Variants in CDH17 observed in about 807,000 individuals in gnomAD.
The protein encoded by CDH17 is cadherin 17.
In CDH17, 67 loss-of-function variants were observed where a neutral mutation model predicts 86.3. The observed-to-expected ratio is 0.78, with a 90% CI of 0.64 to 0.95. The LOEUF is 0.95. CDH17 is among the 40% of genes least tolerant of loss of function. The probability of loss-of-function intolerance (pLI) is 0.00; values close to 1 mark genes in which losing one functional copy is unlikely to be tolerated. For missense variants in CDH17, 993 were observed against 1,017.6 expected, an observed-to-expected ratio of 0.98 and a Z score of 0.33; for synonymous variants, 367 against 366.4, an observed-to-expected ratio of 1.00 and a Z score of -0.02.
intron 15 of CDH17, among the ~76,000 whole-genome samples, chr8:94,138,233 T>G (rs1407648581): frequency 6.6e-6 from 1 of 152,158 alleles, no homozygotes; most frequent in Non-Finnish European, 1.5e-5. Context: ...TTAAAAATTA[T>G]TATGGCCCAC....
intron 12 of CDH17, among the ~76,000 whole-genome samples, chr8:94,155,204 G>A (rs1051376723): frequency 1.3e-5 from 2 of 152,024 alleles, no homozygotes; most frequent in African/African-American, 2.4e-5. Flanking sequence ...ACCTCGTGAC[G>A]TGGTCCAATA....
chr8:94,149,570 A>G (rs746501427), intron 13 of CDH17, among the ~76,000 whole-genome samples: 48 of 152,072 alleles, frequency 3.2e-4, no homozygotes, highest in Non-Finnish European at 5.3e-4. Context: ...CAAGAAGAAG[A>G]CGCTTCAAGT....
At chr8:94,175,071 G>A (rs76610295) in intron 5 of CDH17, among the ~76,000 whole-genome samples, 190 of 152,260 alleles carry the variant, frequency 1.2e-3, no homozygotes, top group Non-Finnish European at 2.5e-3. Flanking sequence ...CTTGAAATAG[G>A]CCATGGTAGG....
At chr8:94,155,264 G>A (rs1563572237) in intron 12 of CDH17, among the ~76,000 whole-genome samples, 1 of 151,946 alleles carries the variant, frequency 6.6e-6, no homozygotes, top group African/African-American at 2.4e-5. Context: ...CTGAAGTAGA[G>A]GTGGGGAGAA....
At chr8:94,167,999 G>A (rs1813188556) in intron 9 of CDH17, among the ~76,000 whole-genome samples, 1 of 149,536 alleles carries the variant, frequency 6.7e-6, no homozygotes, top group South Asian at 2.1e-4. Context: ...CATAAGACTT[G>A]GTGGCAAGTG....
upstream of CDH17, among the ~76,000 whole-genome samples, chr8:94,209,629 T>C (rs1193175922): frequency 1.3e-5 from 2 of 152,188 alleles, no homozygotes; most frequent in Non-Finnish European, 2.9e-5. Flanking sequence ...GTTAACATCC[T>C]TGGTGGACTG....
At chr8:94,211,224 A>G (rs1814117300), upstream of CDH17, among the ~76,000 whole-genome samples, 1 of 152,138 alleles carries the variant, frequency 6.6e-6, no homozygotes, top group Non-Finnish European at 1.5e-5. Flanking sequence ...AAGTCTAGAT[A>G]GCCTCCCAGA....
At chr8:94,170,830 G>A (rs183751559) in intron 8 of CDH17, 24 bp downstream of exon 8, 2 of 1,609,734 alleles carry the variant, frequency 1.2e-6, no homozygotes, top group African/African-American at 1.3e-5. Flanking sequence ...CTTGTCGCCT[G>A]TGAAACTCTT....
intron 12 of CDH17, among the ~76,000 whole-genome samples, chr8:94,153,038 A>G (rs1334165731): frequency 6.6e-6 from 1 of 152,226 alleles, no homozygotes; most frequent in Non-Finnish European, 1.5e-5. Context: ...ATGGGATTGC[A>G]TCAAACTAAG....
At chr8:94,166,519 C>A (rs946764681) in intron 9 of CDH17, among the ~76,000 whole-genome samples, 5 of 152,144 alleles carry the variant, frequency 3.3e-5, no homozygotes, top group Non-Finnish European at 7.4e-5. Context: ...AAGATGTAGC[C>A]TAGAACAGAG....
At chr8:94,172,912 C>T (rs955308752) in intron 7 of CDH17, among the ~76,000 whole-genome samples, 3 of 152,138 alleles carry the variant, frequency 2.0e-5, no homozygotes, top group African/African-American at 7.2e-5. Flanking sequence ...AGGTTCCCTA[C>T]TATGATCCTT....
upstream of CDH17, among the ~76,000 whole-genome samples, chr8:94,211,431 C>A (rs184062703): frequency 2.1e-3 from 322 of 152,304 alleles, no homozygotes; most frequent in Middle Eastern, 6.8e-3. Flanking sequence ...CCTGCCTCAG[C>A]CTCCCATGTA....
chr8:94,215,546 T>C (rs1288545054), intron 1 of CDH17, among the ~76,000 whole-genome samples: 2 of 152,208 alleles, frequency 1.3e-5, no homozygotes, highest in Non-Finnish European at 2.9e-5. Context: ...TTGAAAGTGA[T>C]GAACATTTTC....
At chr8:94,207,146 C>G (rs1814044348) in intron 1 of CDH17, among the ~76,000 whole-genome samples, 1 of 152,172 alleles carries the variant, frequency 6.6e-6, no homozygotes, top group African/African-American at 2.4e-5. Flanking sequence ...TTATTATTCT[C>G]ATATTTTTGA....
intron 5 of CDH17, among the ~76,000 whole-genome samples, chr8:94,174,655 A>T (rs1053598558): frequency 1.3e-5 from 2 of 152,220 alleles, no homozygotes; most frequent in Admixed American, 6.5e-5. Flanking sequence ...GTACTAAAGA[A>T]TGTCCAGTTA....
intron 13 of CDH17, among the ~76,000 whole-genome samples, chr8:94,149,081 T>C (rs1812809547): frequency 6.6e-6 from 1 of 152,242 alleles, no homozygotes; most frequent in Admixed American, 6.5e-5. Context: ...ATATTATTAA[T>C]GCTTTATTTG....
intron 3 of CDH17, among the ~76,000 whole-genome samples, chr8:94,182,541 C>A (rs1050159814): frequency 6.6e-6 from 1 of 152,038 alleles, no homozygotes; most frequent in Non-Finnish European, 1.5e-5. Context: ...ATAGAGGCAG[C>A]AAATCATTTG....
chr8:94,165,401 C>A (rs1813132514), intron 10 of CDH17, among the ~76,000 whole-genome samples: 1 of 152,166 alleles, frequency 6.6e-6, no homozygotes, highest in Non-Finnish European at 1.5e-5. Context: ...CTCCATCTCC[C>A]CTTCACCCAG....
At position 94,170,489 on chromosome 8, in the gene CDH17, T is replaced by C. The variant is rs772596054; in HGVS notation, c.974A>G (p.Glu325Gly). The C allele has an allele frequency of 6.2e-7, 1 of 1,613,862 alleles. No homozygotes were observed. Among genetic ancestry groups the C allele is most frequent in the South Asian group, 1.1e-5 (1 of 91,070 alleles). Residue 325 changes from glutamate (E) to glycine (G), a missense_variant, in exon 9 of 18, where the codon GAA becomes GGA. Transcript: ENST00000027335. ...EYGKPLSYPL[E>G]IHVKVKDIND... ...AATATCTTTAACTTTTACATGAATT[T>C]CCAGCGGATATGAAAGTGGTTTTCC... is the stretch of plus-strand genomic sequence containing the variant.
Sources: gnomAD v4.1 joint callset for allele counts (sites outside exome capture counted in the v4.1 genomes callset) on GRCh38, gnomAD v4.1.1 for gene constraint, MANE v1.5 for transcripts, NCBI Gene and HGNC (gene_info 2026-07-23, HGNC 2026-07-21) for gene names.